The following SRRM1 variants were observed in gnomAD, a reference collection of about 807,000 sequenced individuals.
The protein encoded by SRRM1 is serine/arginine repetitive matrix protein 1.
Under a neutral mutation model 110.2 loss-of-function variants are expected in SRRM1, and 19 were observed. That is an observed-to-expected ratio of 0.17 (90% CI 0.12 to 0.25). The LOEUF is 0.25. SRRM1 is among the 10% of genes least tolerant of loss of function. The pLI, the probability that SRRM1 is intolerant of heterozygous loss-of-function variation, is 1.00. For missense variants in SRRM1, 918 were observed against 1,145.8 expected (o/e 0.80, Z 2.87); for synonymous variants, 443 against 414.9 (o/e 1.07, Z -0.82).
chr1:24,658,179 A>T (rs1665253386), intron 9 of SRRM1, among the ~76,000 whole-genome samples: 1 of 151,870 alleles, frequency 6.6e-6, no homozygotes, highest in African/African-American at 2.4e-5. Flanking sequence ...GAGTAGGAGT[A>T]TATAAATGAT....
At chr1:24,650,190 T>TC in intron 5 of SRRM1, 104 bp downstream of exon 5, 2 of 1,167,198 alleles carry the variant, frequency 1.7e-6, no homozygotes, top group South Asian at 4.6e-5. Context: ...AGGAATTTGT[T>TC]CCATCATGCA....
intron 13 of SRRM1, 37 bp downstream of exon 13, chr1:24,666,962 A>G (rs1255255594): frequency 3.1e-6 from 4 of 1,300,624 alleles, no homozygotes; most frequent in Admixed American, 2.0e-5. Flanking sequence ...GCATCTCCCC[A>G]ACTCCCCCCG....
At chr1:24,654,239 A>G (rs761720771) in intron 8 of SRRM1, 41 of 1,205,660 alleles carry the variant, frequency 3.4e-5, no homozygotes, top group Non-Finnish European at 4.5e-5. Flanking sequence ...AATATTTTAC[A>G]GATTGTTTAA....
chr1:24,671,768 G>T (rs1672836975), intron 16 of SRRM1, among the ~76,000 whole-genome samples, 173 bp downstream of exon 16: 1 of 151,470 alleles, frequency 6.6e-6, no homozygotes, highest in Non-Finnish European at 1.5e-5. Flanking sequence ...CTGGGTTTTA[G>T]TATATCAGTT....
chr1:24,659,505 A>C (rs970256562), intron 9 of SRRM1, among the ~76,000 whole-genome samples: 1 of 152,220 alleles, frequency 6.6e-6, no homozygotes, highest in Non-Finnish European at 1.5e-5. Flanking sequence ...GTGGTGTTTT[A>C]GGTTAATTTA....
intron 12 of SRRM1, chr1:24,663,025 T>A: frequency 1.1e-6 from 1 of 900,858 alleles, no homozygotes; most frequent in Non-Finnish European, 1.7e-6. Flanking sequence ...ATGTCATATA[T>A]GTGTGCATGA....
At position 24,666,805 on chromosome 1, in the gene SRRM1, C is replaced by G. The variant is rs762464242; in HGVS notation, c.1629-10C>G. The G allele has an allele frequency of 3.7e-6, 6 of 1,608,904 alleles. No individual in the cohort carries two copies. The African/African-American group carries it at 8.0e-5, about 22-fold the overall frequency. On this transcript the variant is annotated splice_polypyrimidine_tract_variant and intron_variant, in intron 12 of 16. Coordinates refer to ENST00000323848, the MANE Select transcript of SRRM1 (RefSeq NM_005839.4). The stretch of plus-strand genomic sequence containing the variant: ...AGAAAAAAAATTAACTATAATTCTT[C>G]TTGGTTTAGTGGTAGACGGAGGAGA...
At chr1:24,662,570 A>T in intron 11 of SRRM1, 90 bp from the exon 12 acceptor site, 1 of 1,312,702 alleles carries the variant, frequency 7.6e-7, no homozygotes, top group South Asian at 1.3e-5. Context: ...TGCTTACCCT[A>T]GTGAACACTC....
intron 5 of SRRM1, chr1:24,650,663 CT>C (rs1421296775): frequency 6.6e-6 from 1 of 152,122 alleles, no homozygotes; most frequent in Admixed American, 6.5e-5. Flanking sequence ...TTTTAGGGTT[CT>C]GCTTATTTCT....
chr1:24,668,000 T>C (rs899811134), intron 13 of SRRM1, among the ~76,000 whole-genome samples: 3 of 121,818 alleles, frequency 2.5e-5, no homozygotes, highest in African/African-American at 1.0e-4. Flanking sequence ...TTTGAGACAG[T>C]CTCACTCTGT....
intron 8 of SRRM1, chr1:24,654,288 A>G: frequency 7.8e-7 from 1 of 1,289,484 alleles, no homozygotes; most frequent in Non-Finnish European, 1.0e-6. Context: ...CACTTAAGGT[A>G]GGGTTTCTTT....
rs549768066 is a variant in SRRM1 at position 24,656,990 on chromosome 1, C to T, written c.1315+1861C>T. The stretch of plus-strand genomic sequence containing the variant: ...GGGCTTCCGTGTTCAAACAACCTAC[C>T]CAAAGAGAGGCACTACAGGCAGTGT... On this transcript the variant is annotated intron_variant, in intron 9 of 16. Coordinates refer to ENST00000323848, the MANE Select transcript of SRRM1 (RefSeq NM_005839.4). Among the ~76,000 whole-genome samples, 8 of 152,138 alleles carry T rather than the reference C, an allele frequency of 5.3e-5. No homozygotes were observed. The South Asian group carries it at 1.5e-3, about 28-fold the overall frequency.
At chr1:24,669,718 T>G in intron 14 of SRRM1, 131 bp downstream of exon 14, 1 of 751,856 alleles carries the variant, frequency 1.3e-6, no homozygotes, top group Non-Finnish European at 2.1e-6. Flanking sequence ...AGGTACTATT[T>G]ACAGATCTTA....
intron 3 of SRRM1, 200 bp downstream of exon 3, chr1:24,646,989 A>C (rs931515193): frequency 2.4e-6 from 1 of 414,172 alleles, no homozygotes; most frequent in African/African-American, 2.1e-5. Context: ...ACAGGTGAAA[A>C]ATCAAACTTA....
At chr1:24,652,691 A>G (rs907420105) in intron 7 of SRRM1, 63 bp downstream of exon 7, 15 of 1,433,562 alleles carry the variant, frequency 1.0e-5, no homozygotes, top group Admixed American at 5.0e-5. Flanking sequence ...ACTGGGTACA[A>G]TTAGATAAAT....
chr1:24,644,013 C>A (rs2148104039), intron 1 of SRRM1, among the ~76,000 whole-genome samples: 1 of 152,216 alleles, frequency 6.6e-6, no homozygotes, highest in South Asian at 2.1e-4. Flanking sequence ...GAGGGTGCAA[C>A]GAAAACTATG....
Position 24,669,254 on chromosome 1 carries a change from G to A in SRRM1, c.1871G>A (p.Arg624Lys), listed in dbSNP as rs1315100141. The part of the protein sequence containing the change: ...TASPPPPPKR[R>K]ASPSPPPKRR... The stretch of plus-strand genomic sequence containing the variant: ...TCACCTCCTCCCCCTCCTAAACGAA[G>A]AGCATCACCATCTCCACCACCAAAG... The change falls in exon 14 of 17, where the codon AGA becomes AAA. Residue 624 changes from arginine to lysine, a missense_variant. Physicochemically the swap from Arg to Lys is conservative, Grantham distance 26. This residue lies in a region of SRRM1 where 357 missense variants were observed against 402.9 expected (regional missense o/e 0.89). Coordinates refer to ENST00000323848, the MANE Select transcript of SRRM1 (RefSeq NM_005839.4). The A allele has an allele frequency of 6.2e-7, 1 of 1,614,002 alleles. No individual in the cohort carries two copies. The highest frequency in any genetic ancestry group is 1.1e-5 in the South Asian group (1 of 91,070).
At chr1:24,654,241 ATTGT>A (rs1570810041) in intron 8 of SRRM1, 2 of 1,219,030 alleles carry the variant, frequency 1.6e-6, no homozygotes, top group East Asian at 1.1e-4. Context: ...TATTTTACAG[ATTGT>A]TTAAGATTCC....
intron 9 of SRRM1, 52 bp downstream of exon 9, chr1:24,655,181 C>G (rs527540894): frequency 1.4e-5 from 22 of 1,582,814 alleles, no homozygotes; most frequent in Non-Finnish European, 1.6e-5. Context: ...GGCTACAAAG[C>G]GTAGTCAGTT....
Sources: gnomAD v4.1 joint callset for allele counts (sites outside exome capture counted in the v4.1 genomes callset) on GRCh38, gnomAD v4.1.1 for gene constraint, gnomAD v4.1.1 regional missense constraint, MANE v1.5 for transcripts, NCBI Gene and HGNC (gene_info 2026-07-23, HGNC 2026-07-21) for gene names.